The following SLC38A10 variants were observed in gnomAD, a reference collection of about 807,000 sequenced individuals.
SLC38A10 encodes the protein solute carrier family 38 member 10, also known as Sodium-coupled neutral amino acid transporter 10.
A neutral mutation model predicts 81.0 loss-of-function variants in SLC38A10; 53 were observed. The ratio of observed to expected loss-of-function variants is 0.65; its 90% CI spans 0.53 to 0.82. The LOEUF (loss-of-function observed/expected upper bound fraction) is 0.82. SLC38A10 is among the 40% of genes least tolerant of loss of function. The pLI is 0.00. For missense variants in SLC38A10, 1,471 were observed against 1,545.0 expected, an observed-to-expected ratio of 0.95 and a Z score of 0.80; for synonymous variants, 665 against 655.3, an observed-to-expected ratio of 1.01 and a Z score of -0.23.
rs1277682145 is a variant in SLC38A10 at position 81,280,647 on chromosome 17, G to A, written c.588C>T (p.Arg196=). ...VSYVRWEGVF[R]CIPIFGMSFA... ...AGGACATGCCGAAGATGGGGATGCA[G>A]CGGAAGACGCCCTCCCAGCGGACGT... Residue 196 remains arginine (R), a synonymous_variant, in exon 6 of 16, where the codon CGC becomes CGT. Coordinates refer to ENST00000374759, the MANE Select transcript of SLC38A10 (RefSeq NM_001037984.3). 3 of 1,612,342 alleles carry A rather than the reference G, an allele frequency of 1.9e-6. No homozygotes were observed. Among genetic ancestry groups the A allele is most frequent in the Non-Finnish European group, 2.5e-6 (3 of 1,179,716 alleles).
intron 2 of SLC38A10, 73 bp from the exon 3 acceptor site, chr17:81,284,968 A>T: frequency 7.1e-7 from 1 of 1,410,174 alleles, no homozygotes; most frequent in Non-Finnish European, 9.6e-7. Context: ...TACTGAGCCA[A>T]GCTGTCAAGG....
chr17:81,247,231 C>T (rs1322576197), intron 14 of SLC38A10, 170 bp from the exon 15 acceptor site: 2 of 678,804 alleles, frequency 2.9e-6, no homozygotes, highest in African/African-American at 1.8e-5. Flanking sequence ...GCCCGGACAG[C>T]TCAGTGATGC....
intron 9 of SLC38A10, among the ~76,000 whole-genome samples, chr17:81,271,525 C>T (rs1020019520): frequency 6.6e-6 from 1 of 152,178 alleles, no homozygotes; most frequent in African/African-American, 2.4e-5. Context: ...CGAGCTCTGT[C>T]TTGTCTGCTA....
intron 14 of SLC38A10, among the ~76,000 whole-genome samples, chr17:81,249,696 C>T (rs929787151): frequency 2.6e-5 from 4 of 151,862 alleles, no homozygotes; most frequent in African/African-American, 9.7e-5. Context: ...CACGAAGCCA[C>T]CCACCTGTTG....
At position 81,256,246 on chromosome 17, in the gene SLC38A10, C is replaced by T. The variant is rs373089084; in HGVS notation, c.1289-3006G>A. ...GGAGGCCCCAAGGCTGCCAAGGCCACAGCTCAGGGCTCGGTCTTTGGAGTC... is the reference window on the plus strand; with the variant it reads ...GGAGGCCCCAAGGCTGCCAAGGCCATAGCTCAGGGCTCGGTCTTTGGAGTC... On this transcript the variant is annotated intron_variant, in intron 11 of 15. Coordinates refer to ENST00000374759, the MANE Select transcript of SLC38A10 (RefSeq NM_001037984.3). Among the ~76,000 whole-genome samples, 29 of 152,372 alleles carry T rather than the reference C, an allele frequency of 1.9e-4. No individual in the cohort carries two copies. The East Asian group carries it at 5.4e-3, about 28-fold the overall frequency.
In SLC38A10 at chr17:81,259,010, C is replaced by T. The variant is rs117255538; in HGVS notation, c.1288+1228G>A. Among the ~76,000 whole-genome samples the T allele has an allele frequency of 3.3e-5, 5 of 152,356 alleles. No individual in the cohort carries two copies. In the East Asian group the frequency reaches 7.7e-4, roughly 24 times the overall value. On this transcript the variant is annotated intron_variant, in intron 11 of 15. Transcript: ENST00000374759. ...AGCACAGCGGATCCAGGAAGACCCT[C>T]GGAGAGTGTCCCTCGGGGCAGTTTG... is the stretch of plus-strand genomic sequence containing the variant.
chr17:81,250,172 T>C, intron 14 of SLC38A10: 5 of 1,240,344 alleles, frequency 4.0e-6, no homozygotes, highest in South Asian at 1.3e-5. Flanking sequence ...AAGAAGAAAA[T>C]CAAAAGAATC....
chr17:81,293,937 G>T, intron 1 of SLC38A10, among the ~76,000 whole-genome samples: 1 of 152,168 alleles, frequency 6.6e-6, no homozygotes, highest in East Asian at 1.9e-4. Context: ...TTCAATGCTG[G>T]AATGACGCTA....
Position 81,277,242 on chromosome 17 carries a change from T to G in SLC38A10, c.627-109A>C, listed in dbSNP as rs2063170467. ...CCCAGTGAGAGTCTCTGACCTTCCTTCATGCAACATTCTCTGCACACTGGA... is the reference window on the plus strand; with the variant it reads ...CCCAGTGAGAGTCTCTGACCTTCCTGCATGCAACATTCTCTGCACACTGGA... On this transcript the variant is annotated intron_variant, in intron 6 of 15. Transcript: ENST00000374759. This position sits in a 1 kb window ranked among gnomAD's most constrained non-coding sequence, Gnocchi z 4.5. 1.1e-6 allele frequency: 1 copy of G among 917,294 alleles called. No homozygotes were observed. The highest frequency in any genetic ancestry group is 1.6e-5 in the African/African-American group (1 of 61,088). 56.8% of individuals were successfully genotyped at this position (917,294 alleles called of 1,614,324 possible).
At chr17:81,284,701 CAAGT>C in intron 3 of SLC38A10, 145 bp downstream of exon 3, 1 of 580,864 alleles carries the variant, frequency 1.7e-6, no homozygotes, top group East Asian at 3.2e-5. Flanking sequence ...CTGAAGGGTA[CAAGT>C]AATTGGACTT....
chr17:81,258,209 A>G (rs2062989829), intron 11 of SLC38A10, among the ~76,000 whole-genome samples: 2 of 152,138 alleles, frequency 1.3e-5, no homozygotes, highest in South Asian at 2.1e-4. Flanking sequence ...AGCATCAAAG[A>G]GACCAATAAA....
intron 8 of SLC38A10, among the ~76,000 whole-genome samples, chr17:81,275,344 C>T (rs1298866635): frequency 6.6e-6 from 1 of 152,172 alleles, no homozygotes; most frequent in African/African-American, 2.4e-5. Flanking sequence ...GGACCACAGG[C>T]ACCACCAATA....
In SLC38A10 at chr17:81,287,630, C is replaced by T. The variant is rs535486012; in HGVS notation, c.217+2061G>A. Among the ~76,000 whole-genome samples the T allele has an allele frequency of 5.4e-4, 83 of 152,322 alleles. 1 individual carries two copies. In the South Asian group the frequency reaches 0.013, roughly 23 times the overall value. ...TGGAATCTTTTTTGTTTCTGGCAGG[C>T]AGAAGTGGACTGCGGTCACCCCATG... On this transcript the variant is annotated intron_variant, in intron 2 of 15. Transcript: ENST00000374759.
At chr17:81,284,381 G>A (rs557957982) in intron 3 of SLC38A10, among the ~76,000 whole-genome samples, 3 of 152,174 alleles carry the variant, frequency 2.0e-5, no homozygotes, top group Admixed American at 6.6e-5. Flanking sequence ...AAAGCCCCAC[G>A]ATGTTAGTCA....
chr17:81,252,528 T>C lies in SLC38A10; in HGVS notation c.1612A>G (p.Met538Val). 1 of 1,613,346 alleles carries C rather than the reference T, an allele frequency of 6.2e-7. No homozygotes were observed. The highest frequency in any genetic ancestry group is 8.5e-7 in the Non-Finnish European group (1 of 1,180,016). The part of the protein sequence containing the change: ...GGKAPGVQGQ[M>V]APPLPDSERE... ...TCTGAGTCGGGCAGAGGCGGCGCCA[T>C]CTGGCCCTGGACCCCTGGAGCCTTT... The change falls in exon 13 of 16, where the codon ATG becomes GTG. Residue 538 changes from methionine (M) to valine (V), a missense_variant. Transcript: ENST00000374759.
At position 81,246,300 on chromosome 17, in the gene SLC38A10, C is replaced by T; in HGVS notation, c.2616G>A (p.Glu872=). ...DPAREAGGPE[E]RLAEEFPGQS... ...GCCCAGGGAATTCCTCTGCGAGGCGCTCCTCTGGGCCCCCGGCTTCCCTGG... is the reference window on the plus strand; with the variant it reads ...GCCCAGGGAATTCCTCTGCGAGGCGTTCCTCTGGGCCCCCGGCTTCCCTGG... The change falls in exon 16 of 16, where the codon GAG becomes GAA. Residue 872 remains glutamate (E), a synonymous_variant. Transcript: ENST00000374759. 6.2e-7 allele frequency: 1 copy of T among 1,611,510 alleles called. No individual in the cohort carries two copies. Among genetic ancestry groups the T allele is most frequent in the Non-Finnish European group, 8.5e-7 (1 of 1,179,886 alleles).
At chr17:81,268,801 GTTA>G (rs2063091312) in intron 10 of SLC38A10, among the ~76,000 whole-genome samples, 1 of 152,092 alleles carries the variant, frequency 6.6e-6, no homozygotes, top group South Asian at 2.1e-4. Flanking sequence ...TCAAAAATCA[GTTA>G]TTATATTAAC....
intron 2 of SLC38A10, 80 bp from the exon 3 acceptor site, chr17:81,284,975 A>G: frequency 1.5e-6 from 2 of 1,358,532 alleles, no homozygotes; most frequent in Non-Finnish European, 2.0e-6. Context: ...CCAAGCTGTC[A>G]AGGGCGATTT....
At chr17:81,247,111 T>C in intron 14 of SLC38A10, 50 bp from the exon 15 acceptor site, 5 of 1,527,098 alleles carry the variant, frequency 3.3e-6, no homozygotes, top group Non-Finnish European at 4.4e-6. Context: ...TCATGCACCG[T>C]GCTGGGCCAG....
Sources: gnomAD v4.1 joint callset for allele counts (sites outside exome capture counted in the v4.1 genomes callset) on GRCh38, gnomAD v4.1.1 for gene constraint, Gnocchi (gnomAD v3.1) non-coding constraint, MANE v1.5 for transcripts, NCBI Gene and HGNC (gene_info 2026-07-23, HGNC 2026-07-21) for gene names.